Variants in TEKT3 observed in about 807,000 individuals in gnomAD.
The protein encoded by TEKT3 is tektin-3.
In TEKT3, 49 loss-of-function variants were observed where a neutral mutation model predicts 49.8. The observed-to-expected ratio is 0.98, with a 90% CI of 0.78 to 1.25. The LOEUF is 1.25. Among genes scored for constraint, TEKT3 ranks in the 50% most tolerant of loss-of-function variants. The pLI is 0.00. For missense variants in TEKT3, 595 were observed against 629.5 expected (o/e 0.95, Z 0.59); for synonymous variants, 225 against 237.2 (o/e 0.95, Z 0.47).
In TEKT3 at chr17:15,321,258, CT is replaced by C. The variant is rs550661768; in HGVS notation, c.664-2112del. On this transcript the variant is annotated intron_variant, in intron 4 of 8. Coordinates refer to ENST00000395930, the MANE Select transcript of TEKT3 (RefSeq NM_031898.3). ...TCTCCTGACCTTGTGATCCACCCGC[CT>C]CGGCTTCCCAAAGTGCTGAGATTAC... Among the ~76,000 whole-genome samples, 292 of 152,192 alleles carry C rather than the reference CT, an allele frequency of 1.9e-3. 1 individual carries two copies. Among genetic ancestry groups the C allele is most frequent in the African/African-American group, 6.6e-3 (273 of 41,510 alleles).
At chr17:15,322,144 G>A (rs951366898) in intron 4 of TEKT3, among the ~76,000 whole-genome samples, 1 of 152,176 alleles carries the variant, frequency 6.6e-6, no homozygotes. Context: ...AGTGATAGAT[G>A]CTCTGAAGGT....
intron 8 of TEKT3, among the ~76,000 whole-genome samples, chr17:15,306,089 A>ATATGTGTGTGTG (rs1291765039): frequency 6.9e-6 from 1 of 144,314 alleles, no homozygotes; most frequent in African/African-American, 2.6e-5. Context: ...ATTTATATAT[A>ATATGTGTGTGTG]TGTGTGTGTG....
In TEKT3 at chr17:15,331,000, G is replaced by A. The variant is rs916574466; in HGVS notation, c.579+7C>T. 1 of 1,600,604 alleles carries A rather than the reference G, an allele frequency of 6.2e-7. No individual in the cohort carries two copies. The highest frequency in any genetic ancestry group is 1.3e-5 in the African/African-American group (1 of 74,502). ...AAAATTCAGTGTGTTCTATCATAAGGTCTTACCTGAAGAGGGGCTTCAGTC... is the reference window on the plus strand; with the variant it reads ...AAAATTCAGTGTGTTCTATCATAAGATCTTACCTGAAGAGGGGCTTCAGTC... On this transcript the variant is annotated splice_region_variant and intron_variant, in intron 3 of 8. Transcript: ENST00000395930.
chr17:15,335,210 T>C (rs541049687), intron 2 of TEKT3, among the ~76,000 whole-genome samples: 2 of 152,102 alleles, frequency 1.3e-5, no homozygotes, highest in Non-Finnish European at 2.9e-5. Context: ...AAGCTAGAAA[T>C]TGTAGAGCAG....
chr17:15,337,213 G>A (rs1255418022), intron 2 of TEKT3, among the ~76,000 whole-genome samples: 1 of 151,836 alleles, frequency 6.6e-6, no homozygotes, highest in Non-Finnish European at 1.5e-5. Context: ...GCTCTTTGAG[G>A]TCCTCAATAT....
chr17:15,338,870 A>G (rs879799696), intron 2 of TEKT3, among the ~76,000 whole-genome samples: 14 of 152,066 alleles, frequency 9.2e-5, no homozygotes, highest in Non-Finnish European at 1.5e-4. Context: ...AACCGATGCT[A>G]TAAATATCTC....
intron 4 of TEKT3, among the ~76,000 whole-genome samples, chr17:15,322,684 A>C (rs1195520908): frequency 6.6e-6 from 1 of 152,134 alleles, no homozygotes; most frequent in Non-Finnish European, 1.5e-5. Flanking sequence ...GTGTTAACTG[A>C]GTCTTTTTAC....
Position 15,312,376 on chromosome 17 carries a change from G to T in TEKT3, c.984C>A (p.Leu328=), listed in dbSNP as rs758700852. The change falls in exon 7 of 9, where the codon CTC becomes CTA. Residue 328 remains leucine, a synonymous_variant. Transcript: ENST00000395930. ...SAKLRDDIEN[L]LVVTANEMWN... is the part of the protein sequence containing the mutation. The stretch of plus-strand genomic sequence containing the variant: ...ACATCTCATTGGCAGTCACAACCAA[G>T]AGGTTTTCAATGTCGTCTCTTAGCT... 4 of 1,614,234 alleles carry T rather than the reference G, an allele frequency of 2.5e-6. No individual in the cohort carries two copies. The Admixed American group carries it at 5.0e-5, about 20-fold the overall frequency.
At chr17:15,322,568 C>T (rs1023217609) in intron 4 of TEKT3, among the ~76,000 whole-genome samples, 2 of 152,190 alleles carry the variant, frequency 1.3e-5, no homozygotes, top group Non-Finnish European at 2.9e-5. Flanking sequence ...GTGCTGACCC[C>T]GCGCTGTGGC....
In TEKT3 at chr17:15,332,109, C is replaced by CG. The variant is rs1911782238; in HGVS notation, c.-29-496dup. Among the ~76,000 whole-genome samples, 2 of 99,342 alleles carry CG rather than the reference C, an allele frequency of 2.0e-5. 1 individual carries two copies. The highest frequency in any genetic ancestry group is 6.4e-4 in the South Asian group (2 of 3,124). The allele number at this position is 99,342 out of a possible 152,430, so 65.2% of individuals were successfully genotyped here. Reference sequence around the variant, plus strand: ...CAGGAGAATCGCTTGAACCTGGTGGCGGGGGTGGGGGGCAGATAGATTGCA... The same window carrying CG: ...CAGGAGAATCGCTTGAACCTGGTGGCGGGGGGTGGGGGGCAGATAGATTGCA... On this transcript the variant is annotated intron_variant, in intron 2 of 8. Coordinates refer to ENST00000395930, the MANE Select transcript of TEKT3 (RefSeq NM_031898.3).
intron 4 of TEKT3, among the ~76,000 whole-genome samples, chr17:15,319,967 T>C (rs566176333): frequency 2.6e-5 from 4 of 152,252 alleles, no homozygotes; most frequent in African/African-American, 9.6e-5. Context: ...CATTTTCTCA[T>C]GACATTAAAA....
chr17:15,315,222 T>G (rs772430803), intron 5 of TEKT3, among the ~76,000 whole-genome samples: 8 of 152,146 alleles, frequency 5.3e-5, no homozygotes, highest in Non-Finnish European at 1.2e-4. Context: ...AGACCAGGAC[T>G]GTGGTTATGA....
chr17:15,332,836 C>G (rs1008647149), intron 2 of TEKT3, among the ~76,000 whole-genome samples: 1 of 152,156 alleles, frequency 6.6e-6, no homozygotes, highest in African/African-American at 2.4e-5. Flanking sequence ...AAGGTGAACT[C>G]CTCAGAAGTA....
intron 4 of TEKT3, among the ~76,000 whole-genome samples, chr17:15,323,852 A>G (rs1011636683): frequency 1.3e-5 from 2 of 152,140 alleles, no homozygotes; most frequent in Non-Finnish European, 2.9e-5. Flanking sequence ...GGTTTTTGAG[A>G]TAAAGGACCC....
upstream of TEKT3, among the ~76,000 whole-genome samples, chr17:15,342,104 C>G (rs1246706523): frequency 6.6e-6 from 1 of 152,126 alleles, no homozygotes; most frequent in South Asian, 2.1e-4. Context: ...TTGGGCTTTC[C>G]CTCTCTCTCT....
chr17:15,304,200 C>T lies in TEKT3; in HGVS notation c.1257-48G>A. The T allele has an allele frequency of 6.3e-7, 1 of 1,587,482 alleles. No homozygotes were observed. Among genetic ancestry groups the T allele is most frequent in the Non-Finnish European group, 8.6e-7 (1 of 1,156,932 alleles). On this transcript the variant is annotated intron_variant, in intron 8 of 8. Transcript: ENST00000395930. This position sits in a 1 kb window ranked among gnomAD's most constrained non-coding sequence, Gnocchi z 4.7. Reference sequence around the variant, plus strand: ...TGGTTAGGTCAGCATGTAGCTTACGCAACTCCAAGTACATCACATTGTAAC... The same window carrying T: ...TGGTTAGGTCAGCATGTAGCTTACGTAACTCCAAGTACATCACATTGTAAC...
Position 15,328,027 on chromosome 17 carries a change from G to A in TEKT3, c.628C>T (p.Leu210=). ...FHREKRMGID[L]VHDEVEAQLL... is the part of the protein sequence containing the mutation. ...TGTGCTTCAACTTCATCGTGAACTA[G>A]GTCGATTCCCATTCTCTTTTCTCGA... Residue 210 remains leucine (L), a synonymous_variant, in exon 4 of 9, where the codon CTA becomes TTA. Transcript: ENST00000395930. The A allele has an allele frequency of 6.2e-7, 1 of 1,613,922 alleles. No homozygotes were observed. Among genetic ancestry groups the A allele is most frequent in the East Asian group, 2.2e-5 (1 of 44,876 alleles).
At chr17:15,340,450 G>C (rs1370847454) in intron 1 of TEKT3, 1 of 152,160 alleles carries the variant, frequency 6.6e-6, no homozygotes, top group Non-Finnish European at 1.5e-5. Context: ...AGGGGGCTGA[G>C]GCAGGAGAAT....
chr17:15,304,951 G>A lies in TEKT3; in HGVS notation c.1257-799C>T, dbSNP rs577598172. Among the ~76,000 whole-genome samples the A allele has an allele frequency of 5.1e-4, 77 of 152,286 alleles. No individual in the cohort carries two copies. Among genetic ancestry groups the A allele is most frequent in the Non-Finnish European group, 9.8e-4 (67 of 68,036 alleles). On this transcript the variant is annotated intron_variant, in intron 8 of 8. Coordinates refer to ENST00000395930, the MANE Select transcript of TEKT3 (RefSeq NM_031898.3). The surrounding 1 kb of genome is among the most constrained non-coding windows in gnomAD (Gnocchi z 4.7). ...CTTCCAAAAGGACCAAGCCTTTTAC[G>A]GCACTCAGGGTCTTGTGATTGTCTG...
Sources: gnomAD v4.1 joint callset for allele counts (sites outside exome capture counted in the v4.1 genomes callset) on GRCh38, gnomAD v4.1.1 for gene constraint, Gnocchi (gnomAD v3.1) non-coding constraint, MANE v1.5 for transcripts, NCBI Gene and HGNC (gene_info 2026-07-23, HGNC 2026-07-21) for gene names.